The following CNTNAP2 variants were observed in gnomAD, a reference collection of about 807,000 sequenced individuals.
The protein encoded by CNTNAP2 is contactin associated protein 2, also known as contactin-associated protein-like 2.
Under a neutral mutation model 155.2 loss-of-function variants are expected in CNTNAP2, and 98 were observed. That is an observed-to-expected ratio of 0.63 (90% CI 0.54 to 0.75). The LOEUF is 0.75. Among genes scored for constraint, CNTNAP2 ranks in the 30% least tolerant of loss-of-function variants. The pLI, the probability that CNTNAP2 is intolerant of heterozygous loss-of-function variation, is 0.00. For synonymous variants in CNTNAP2, 651 were observed against 631.2 expected (o/e 1.03, Z -0.47); for missense variants, 1,727 against 1,688.1 (o/e 1.02, Z -0.40).
chr7:146,722,006 A>G, intron 1 of CNTNAP2, among the ~76,000 whole-genome samples: 1 of 148,416 alleles, frequency 6.7e-6, no homozygotes, highest in East Asian at 2.0e-4. Context: ...CTCCTGTCTC[A>G]GCCTCTGAGA....
intron 1 of CNTNAP2, among the ~76,000 whole-genome samples, chr7:146,442,588 C>G (rs1387472533): frequency 2.0e-5 from 3 of 152,264 alleles, no homozygotes; most frequent in Non-Finnish European, 4.4e-5. Context: ...CTTGAAAGAG[C>G]CTGATGCCCC....
At chr7:146,660,205 T>C (rs1477209931) in intron 1 of CNTNAP2, among the ~76,000 whole-genome samples, 1 of 152,230 alleles carries the variant, frequency 6.6e-6, no homozygotes, top group African/African-American at 2.4e-5. Context: ...TCTCATAATA[T>C]CTAATGATTG....
At chr7:148,220,104 GT>G (rs1795717235) in intron 19 of CNTNAP2, among the ~76,000 whole-genome samples, 1 of 152,172 alleles carries the variant, frequency 6.6e-6, no homozygotes, top group African/African-American at 2.4e-5. Context: ...TCATCATAAT[GT>G]TTCGTTTTGT....
At position 146,726,214 on chromosome 7, in the gene CNTNAP2, A is replaced by G. The variant is rs534686538; in HGVS notation, c.98-48057A>G. Among the ~76,000 whole-genome samples, 21 of 152,304 alleles carry G rather than the reference A, an allele frequency of 1.4e-4. No individual in the cohort carries two copies. The East Asian group carries it at 3.3e-3, about 24-fold the overall frequency. On this transcript the variant is annotated intron_variant, in intron 1 of 23. Coordinates refer to ENST00000361727, the MANE Select transcript of CNTNAP2 (RefSeq NM_014141.6). ...TTTCTTTCAAAAAGTGTTTTCCTCA[A>G]TATTTCTAGAACATACATTTAGGAA...
At chr7:146,873,670 T>C (rs1467895010) in intron 3 of CNTNAP2, among the ~76,000 whole-genome samples, 1 of 151,978 alleles carries the variant, frequency 6.6e-6, no homozygotes, top group Admixed American at 6.6e-5. Context: ...GAATAGGACA[T>C]ATGGCTTGTT....
chr7:147,931,464 C>A (rs1800503025), intron 14 of CNTNAP2, among the ~76,000 whole-genome samples: 1 of 152,116 alleles, frequency 6.6e-6, no homozygotes, highest in Non-Finnish European at 1.5e-5. Context: ...TTCCCTGACA[C>A]CAAAGCCAGA....
intron 1 of CNTNAP2, among the ~76,000 whole-genome samples, chr7:146,593,707 G>A (rs2129149951): frequency 6.6e-6 from 1 of 152,166 alleles, no homozygotes; most frequent in South Asian, 2.1e-4. Flanking sequence ...TTTCTCATTT[G>A]CAATGCTCAT....
At chr7:146,599,220 A>T (rs1471039395) in intron 1 of CNTNAP2, among the ~76,000 whole-genome samples, 2 of 152,034 alleles carry the variant, frequency 1.3e-5, no homozygotes, top group African/African-American at 4.8e-5. Flanking sequence ...TCTGCCTTGA[A>T]CCCATGAATA....
In CNTNAP2 at chr7:148,172,565, G is replaced by A. The variant is rs796147552; in HGVS notation, c.3010+87G>A. ...TTAATGATTTTTCATATGTAAACAA[G>A]TGTACCTTATTCTGAGGTTAAGATG... On this transcript the variant is annotated intron_variant, in intron 18 of 23. Coordinates refer to ENST00000361727, the MANE Select transcript of CNTNAP2 (RefSeq NM_014141.6). 42 of 1,193,050 alleles carry A rather than the reference G, an allele frequency of 3.5e-5. No individual in the cohort carries two copies. In the African/African-American group the frequency reaches 4.2e-4, roughly 12 times the overall value. The allele number at this position is 1,193,050 out of a possible 1,614,324, so 73.9% of individuals were successfully genotyped here. A position where few individuals can be genotyped will look rare whatever the true frequency, so the allele number is the denominator to read the frequency against.
intron 22 of CNTNAP2, among the ~76,000 whole-genome samples, chr7:148,384,943 ATAT>A (rs1350770800): frequency 2.0e-5 from 3 of 152,170 alleles, no homozygotes; most frequent in South Asian, 2.1e-4. Flanking sequence ...TAATAATCTA[ATAT>A]TATTATATTA....
intron 9 of CNTNAP2, among the ~76,000 whole-genome samples, chr7:147,377,149 G>A (rs1481874722): frequency 1.4e-5 from 2 of 138,700 alleles, no homozygotes; most frequent in Admixed American, 7.3e-5. Context: ...CCCCCCTTTT[G>A]GTTGATCAAA....
At chr7:147,884,291 C>T (rs907736275) in intron 13 of CNTNAP2, among the ~76,000 whole-genome samples, 23 of 152,144 alleles carry the variant, frequency 1.5e-4, no homozygotes, top group East Asian at 1.2e-3. Flanking sequence ...GAAAATGGGG[C>T]GATGCATCCA....
intron 7 of CNTNAP2, among the ~76,000 whole-genome samples, chr7:147,131,433 T>C (rs1262866402): frequency 2.0e-5 from 3 of 152,036 alleles, no homozygotes; most frequent in African/African-American, 7.2e-5. Context: ...CACTGAAATA[T>C]ACAATTTAGT....
intron 20 of CNTNAP2, among the ~76,000 whole-genome samples, chr7:148,240,206 G>A (rs1796120324): frequency 6.6e-6 from 1 of 152,172 alleles, no homozygotes; most frequent in African/African-American, 2.4e-5. Context: ...AGATAATGAT[G>A]AGTTGGTGGA....
chr7:147,351,963 A>G (rs151150129), intron 9 of CNTNAP2, among the ~76,000 whole-genome samples: 1 of 152,040 alleles, frequency 6.6e-6, no homozygotes, highest in African/African-American at 2.4e-5. Flanking sequence ...AAGACATTAT[A>G]TTGTGTTCAC....
At chr7:147,894,960 TCTTTC>T (rs1206821310) in intron 13 of CNTNAP2, among the ~76,000 whole-genome samples, 1,539 of 75,472 alleles carry the variant, frequency 0.02, 253 homozygotes, top group African/African-American at 0.13. Context: ...TTTCTTTCTT[TCTTTC>T]TTTTTTTTTT....
At chr7:148,299,545 C>T (rs1797344996) in intron 21 of CNTNAP2, among the ~76,000 whole-genome samples, 1 of 152,198 alleles carries the variant, frequency 6.6e-6, no homozygotes, top group South Asian at 2.1e-4. Flanking sequence ...ACACAGATAA[C>T]AGTCAACGAT....
intron 21 of CNTNAP2, among the ~76,000 whole-genome samples, chr7:148,287,512 A>G (rs963136960): frequency 1.1e-4 from 17 of 152,156 alleles, no homozygotes; most frequent in Non-Finnish European, 1.5e-5. Context: ...CCTTTTCCTG[A>G]CACATTTATA....
At chr7:147,968,810 A>G (rs1801273999) in intron 14 of CNTNAP2, among the ~76,000 whole-genome samples, 1 of 152,174 alleles carries the variant, frequency 6.6e-6, no homozygotes, top group Admixed American at 6.5e-5. Context: ...TTTTGTCAAA[A>G]GACAAAATTG....
Sources: gnomAD v4.1 joint callset for allele counts (sites outside exome capture counted in the v4.1 genomes callset) on GRCh38, gnomAD v4.1.1 for gene constraint, MANE v1.5 for transcripts, NCBI Gene and HGNC (gene_info 2026-07-23, HGNC 2026-07-21) for gene names.